The following SPATS2 variants were observed in gnomAD, a reference collection of about 807,000 sequenced individuals.
SPATS2 encodes spermatogenesis-associated serine-rich protein 2.
A neutral mutation model predicts 63.7 loss-of-function variants in SPATS2; 38 were observed. That is an observed-to-expected ratio of 0.60 (90% CI 0.46 to 0.78). The LOEUF (loss-of-function observed/expected upper bound fraction) is 0.78. SPATS2 is among the 30% of genes least tolerant of loss of function. The pLI is 0.00. For synonymous variants in SPATS2, 207 were observed against 232.9 expected, an observed-to-expected ratio of 0.89 and a Z score of 1.01; for missense variants, 588 against 666.2, an observed-to-expected ratio of 0.88 and a Z score of 1.29.
At chr12:49,370,838 A>G (rs1943984965) in intron 1 of SPATS2, among the ~76,000 whole-genome samples, 1 of 152,082 alleles carries the variant, frequency 6.6e-6, no homozygotes, top group African/African-American at 2.4e-5. Flanking sequence ...GCTGGAGTGC[A>G]GTGGTACAAT....
intron 3 of SPATS2, among the ~76,000 whole-genome samples, chr12:49,484,350 A>G (rs1003273220): frequency 5.3e-5 from 8 of 152,222 alleles, no homozygotes; most frequent in African/African-American, 9.6e-5. Context: ...ACAGTCTAAT[A>G]TGGTTGATGT....
At chr12:49,485,410 G>GC (rs1946274502) in intron 4 of SPATS2, among the ~76,000 whole-genome samples, 1 of 152,102 alleles carries the variant, frequency 6.6e-6, no homozygotes, top group African/African-American at 2.4e-5. Context: ...CACCCAGGTT[G>GC]GAGTGCAGTG....
At position 49,524,745 on chromosome 12, in the gene SPATS2, T is replaced by G. The variant is rs929068728; in HGVS notation, c.1175T>G (p.Leu392Trp). 4.3e-6 allele frequency: 7 copies of G among 1,614,198 alleles called. No individual in the cohort carries two copies. Among genetic ancestry groups the G allele is most frequent in the Admixed American group, 1.7e-5 (1 of 60,016 alleles). ...TGTAGCTCAGTTACATCTGTGTCCTTGAGTAGCCCAAGTGATGCCTCTGCT... is the reference window on the plus strand; with the variant it reads ...TGTAGCTCAGTTACATCTGTGTCCTGGAGTAGCCCAAGTGATGCCTCTGCT... The part of the protein sequence containing the change: ...SRCSSVTSVS[L>W]SSPSDASAAS... Residue 392 changes from leucine to tryptophan, a missense_variant, in exon 13 of 14, where the codon TTG (leucine) becomes TGG (tryptophan). Physicochemically the swap from Leu to Trp is moderately conservative, Grantham distance 61. Coordinates refer to ENST00000552918, the MANE Select transcript of SPATS2 (RefSeq NM_023071.4).
intron 3 of SPATS2, among the ~76,000 whole-genome samples, chr12:49,475,675 C>G (rs1946105450): frequency 6.6e-6 from 1 of 152,236 alleles, no homozygotes; most frequent in Non-Finnish European, 1.5e-5. Flanking sequence ...CTCCTGAACT[C>G]AGGCAATCCA....
intron 2 of SPATS2, among the ~76,000 whole-genome samples, chr12:49,382,853 C>T (rs1032659853): frequency 1.3e-5 from 2 of 151,858 alleles, no homozygotes; most frequent in African/African-American, 2.4e-5. Flanking sequence ...TACAGGTGCA[C>T]GCCACCATGC....
chr12:49,401,727 T>TC (rs777923402), intron 2 of SPATS2, among the ~76,000 whole-genome samples: 24 of 152,230 alleles, frequency 1.6e-4, no homozygotes, highest in Non-Finnish European at 2.9e-4. Flanking sequence ...AGACAGGGTC[T>TC]CACTCTGTCG....
At chr12:49,484,477 C>G in intron 3 of SPATS2, 113 bp from the exon 4 acceptor site, 1 of 937,108 alleles carries the variant, frequency 1.1e-6, no homozygotes, top group Non-Finnish European at 1.6e-6. Context: ...CAAATAGCAA[C>G]TAAGTTGCTG....
chr12:49,394,566 CT>C (rs1006496847), intron 2 of SPATS2, among the ~76,000 whole-genome samples: 16 of 146,524 alleles, frequency 1.1e-4, no homozygotes, highest in East Asian at 2.0e-4. Flanking sequence ...TCTTTCACAT[CT>C]TTTTTTTTTC....
At chr12:49,439,050 A>G (rs991444856) in intron 2 of SPATS2, among the ~76,000 whole-genome samples, 1 of 152,228 alleles carries the variant, frequency 6.6e-6, no homozygotes, top group Non-Finnish European at 1.5e-5. Flanking sequence ...TAGGAGTGGC[A>G]GGGGCTGCTG....
chr12:49,503,944 TTTAAC>T (rs1276285345), intron 9 of SPATS2, among the ~76,000 whole-genome samples: 1 of 152,210 alleles, frequency 6.6e-6, no homozygotes, highest in African/African-American at 2.4e-5. Flanking sequence ...ACCAGGTCAA[TTTAAC>T]TTGAGGAAAG....
intron 9 of SPATS2, among the ~76,000 whole-genome samples, chr12:49,500,801 T>G (rs1946554263): frequency 6.6e-6 from 1 of 151,932 alleles, no homozygotes; most frequent in African/African-American, 2.4e-5. Context: ...AAAAGTCTCC[T>G]TTTAAACTAA....
At chr12:49,420,857 G>A (rs10783314) in intron 2 of SPATS2, among the ~76,000 whole-genome samples, 51,995 of 151,784 alleles carry the variant, frequency 0.34, 12,627 homozygotes, top group African/African-American at 0.69. Context: ...ATAATAATTA[G>A]AAACAAAATT....
intron 3 of SPATS2, among the ~76,000 whole-genome samples, chr12:49,478,123 T>C (rs933676811): frequency 2.6e-5 from 4 of 152,006 alleles, no homozygotes; most frequent in Non-Finnish European, 1.5e-5. Context: ...TACAGATGCA[T>C]GCATGCCAGC....
At chr12:49,375,882 T>A (rs1944091912) in intron 2 of SPATS2, among the ~76,000 whole-genome samples, 1 of 151,668 alleles carries the variant, frequency 6.6e-6, no homozygotes, top group Admixed American at 6.6e-5. Context: ...AATCTTGGCT[T>A]ACTGCAACCT....
At chr12:49,424,933 G>GCCA (rs1209863739) in intron 2 of SPATS2, among the ~76,000 whole-genome samples, 6 of 152,152 alleles carry the variant, frequency 3.9e-5, no homozygotes, top group Non-Finnish European at 8.8e-5. Flanking sequence ...ACTCCCGCTT[G>GCCA]GCCTCCCAAA....
At chr12:49,520,413 C>T (rs912458409) in intron 11 of SPATS2, among the ~76,000 whole-genome samples, 8 of 152,022 alleles carry the variant, frequency 5.3e-5, no homozygotes, top group South Asian at 2.1e-4. Flanking sequence ...CCACCGCGCC[C>T]GGCCCAGTTA....
intron 10 of SPATS2, among the ~76,000 whole-genome samples, chr12:49,516,210 A>T (rs1230722597): frequency 1.8e-5 from 2 of 108,262 alleles, no homozygotes; most frequent in African/African-American, 6.6e-5. Context: ...TATATATATA[A>T]ATCAGGCATG....
intron 3 of SPATS2, among the ~76,000 whole-genome samples, chr12:49,464,644 A>AAG (rs1398430172): frequency 6.6e-6 from 1 of 151,328 alleles, no homozygotes; most frequent in Non-Finnish European, 1.5e-5. Flanking sequence ...AAAAAAAAAA[A>AAG]AAAGGACTCT....
chr12:49,448,846 TA>T (rs1245574628), intron 2 of SPATS2, among the ~76,000 whole-genome samples: 5 of 152,354 alleles, frequency 3.3e-5, no homozygotes, highest in African/African-American at 1.2e-4. Context: ...TTTCAATCAT[TA>T]AAAAATTGGG....
Sources: allele counts gnomAD v4.1 joint callset (sites outside exome capture counted in the v4.1 genomes callset), GRCh38; gene constraint gnomAD v4.1.1; transcripts MANE v1.5; gene names NCBI Gene and HGNC (gene_info 2026-07-23, HGNC 2026-07-21).